RPAIN: variants seen among roughly 807,000 people sequenced by gnomAD.
The protein encoded by RPAIN is RPA interacting protein, also known as RPA-interacting protein.
A neutral mutation model predicts 30.5 loss-of-function variants in RPAIN; 29 were observed. That is an observed-to-expected ratio of 0.95 (90% CI 0.71 to 1.30). The LOEUF (loss-of-function observed/expected upper bound fraction) is 1.30. Among genes scored for constraint, RPAIN ranks in the 50% most tolerant of loss-of-function variants. The pLI is 0.00. For missense variants in RPAIN, 247 were observed against 264.7 expected, an observed-to-expected ratio of 0.93 and a Z score of 0.46; for synonymous variants, 101 against 93.5, an observed-to-expected ratio of 1.08 and a Z score of -0.46.
rs57082873 is a variant in RPAIN at position 5,423,349 on chromosome 17, TAA to T, written c.313+538_313+539del. ...TAACAAGATCCTGTCTCTACAGAAG[TAA>T]AAAAAAAAAAAAAAAAATTATCTGG... On this transcript the variant is annotated intron_variant, in intron 3 of 6. Transcript: ENST00000381209. Among the ~76,000 whole-genome samples, 262 of 127,052 alleles carry T rather than the reference TAA, an allele frequency of 2.1e-3. 1 individual carries two copies. Among genetic ancestry groups the T allele is most frequent in the East Asian group, 2.3e-3 (11 of 4,688 alleles). 83.4% of individuals were successfully genotyped at this position (127,052 alleles called of 152,430 possible). A position where few individuals can be genotyped will look rare whatever the true frequency, so the allele number is the denominator to read the frequency against.
chr17:5,427,967 C>A, intron 5 of RPAIN, 104 bp from the exon 6 acceptor site: 1 of 1,110,074 alleles, frequency 9.0e-7, no homozygotes, highest in Non-Finnish European at 1.4e-6. Context: ...GGAGTCAAGC[C>A]ATCACAGTGA....
At chr17:5,431,484 TAA>T (rs761313492) in intron 6 of RPAIN, 974 of 365,602 alleles carry the variant, frequency 2.7e-3, no homozygotes, top group Middle Eastern at 4.2e-3. Flanking sequence ...GATTGTGCCT[TAA>T]AAAAAAAAAA....
intron 2 of RPAIN, among the ~76,000 whole-genome samples, chr17:5,422,396 C>T (rs1914955050): frequency 6.6e-6 from 1 of 152,140 alleles, no homozygotes; most frequent in Non-Finnish European, 1.5e-5. Flanking sequence ...CTTATATCAC[C>T]ACAACTAGTA....
At chr17:5,420,420 T>G in intron 1 of RPAIN, 129 bp downstream of exon 1, 1 of 716,792 alleles carries the variant, frequency 1.4e-6, no homozygotes, top group Non-Finnish European at 2.3e-6. Flanking sequence ...AACCCAGGCC[T>G]GCTGACTGTA....
chr17:5,429,510 G>A (rs1668797281), intron 6 of RPAIN: 1 of 984,916 alleles, frequency 1.0e-6, no homozygotes, highest in Non-Finnish European at 1.2e-6. Flanking sequence ...TAGAGCTGGT[G>A]TTAGACCCCA....
intron 5 of RPAIN, chr17:5,427,045 A>C (rs1393496550): frequency 6.6e-6 from 1 of 152,238 alleles, no homozygotes; most frequent in African/African-American, 2.4e-5. Context: ...AATTATAAAA[A>C]TAAAATGTTT....
At chr17:5,425,840 C>G in intron 3 of RPAIN, 131 bp from the exon 4 acceptor site, 5 of 620,162 alleles carry the variant, frequency 8.1e-6, no homozygotes, top group Non-Finnish European at 1.4e-5. Context: ...AGCATAAAAA[C>G]CAGTCATTGG....
intron 3 of RPAIN, among the ~76,000 whole-genome samples, chr17:5,424,126 C>T (rs909733307): frequency 2.0e-5 from 3 of 151,286 alleles, no homozygotes; most frequent in Admixed American, 6.6e-5. Context: ...TAGCTGGGAC[C>T]GCAAGTGTGC....
chr17:5,426,258 G>C lies in RPAIN; in HGVS notation c.448G>C (p.Gly150Arg). The C allele has an allele frequency of 6.2e-7, 1 of 1,614,138 alleles. No individual in the cohort carries two copies. Among genetic ancestry groups the C allele is most frequent in the Non-Finnish European group, 8.5e-7 (1 of 1,179,978 alleles). The change falls in exon 5 of 7, where the codon GGT becomes CGT. Residue 150 changes from glycine (G) to arginine (R), a missense_variant. Coordinates refer to ENST00000381209, the MANE Select transcript of RPAIN (RefSeq NM_001033002.4). ...CTKYNLRITS[G>R]VVVCQCGLSI... ...TAGGTACAACCTGAGAATCACAAGCGGTGTGGTGGTGTGTCAGTGTGGCCT... is the reference window on the plus strand; with the variant it reads ...TAGGTACAACCTGAGAATCACAAGCCGTGTGGTGGTGTGTCAGTGTGGCCT...
chr17:5,424,020 C>A (rs1915142581), intron 3 of RPAIN, among the ~76,000 whole-genome samples: 1 of 144,812 alleles, frequency 6.9e-6, no homozygotes, highest in Non-Finnish European at 1.5e-5. Context: ...TAGGTTCTTG[C>A]TCTGTTGCCC....
Position 5,427,734 on chromosome 17 carries a change from T to A in RPAIN, c.490-337T>A, listed in dbSNP as rs1220657675. The A allele has an allele frequency of 2.2e-5, 7 of 315,292 alleles. No homozygotes were observed. In the East Asian group the frequency reaches 4.8e-4, roughly 21 times the overall value. 19.5% of individuals were successfully genotyped at this position (315,292 alleles called of 1,614,324 possible). A position where few individuals can be genotyped will look rare whatever the true frequency, so the allele number is the denominator to read the frequency against. ...TAACCCAAGCAGACCCGGGAGCATATACTGCTAGTTGTTGGTAAGGATGCA... is the reference window on the plus strand; with the variant it reads ...TAACCCAAGCAGACCCGGGAGCATAAACTGCTAGTTGTTGGTAAGGATGCA... On this transcript the variant is annotated intron_variant, in intron 5 of 6. Coordinates refer to ENST00000381209, the MANE Select transcript of RPAIN (RefSeq NM_001033002.4).
At chr17:5,427,741 A>C in intron 5 of RPAIN, 2 of 327,872 alleles carry the variant, frequency 6.1e-6, no homozygotes, top group African/African-American at 2.1e-5. Context: ...ATATACTGCT[A>C]GTTGTTGGTA....
chr17:5,428,559 G>A (rs1915624770), intron 6 of RPAIN: 1 of 1,237,296 alleles, frequency 8.1e-7, no homozygotes, highest in Non-Finnish European at 1.0e-6. Flanking sequence ...TTTTGCGGAA[G>A]GAAACAGGGC....
chr17:5,423,627 C>T (rs1915085654), intron 3 of RPAIN, among the ~76,000 whole-genome samples: 1 of 152,370 alleles, frequency 6.6e-6, no homozygotes, highest in African/African-American at 2.4e-5. Flanking sequence ...TCTCTATTAA[C>T]TCCCCAGGGC....
rs757452040 is a variant in RPAIN, at chr17:5,425,989, A to G, written c.332A>G (p.Glu111Gly). The G allele has an allele frequency of 6.2e-7, 1 of 1,613,560 alleles. No individual in the cohort carries two copies. The highest frequency in any genetic ancestry group is 8.5e-7 in the Non-Finnish European group (1 of 1,179,762). ...LINQEQSIIS[E>G]YEKSLQFDEK... is the part of the protein sequence containing the mutation. Reference sequence around the variant, plus strand: ...CTTGCAGAGCAGTCCATCATCAGCGAGTATGAGAAGAGCTTGCAGTTTGAT... The same window carrying G: ...CTTGCAGAGCAGTCCATCATCAGCGGGTATGAGAAGAGCTTGCAGTTTGAT... Residue 111 changes from glutamate to glycine, a missense_variant, in exon 4 of 7, where the codon GAG (glutamate) becomes GGG (glycine). Coordinates refer to ENST00000381209, the MANE Select transcript of RPAIN (RefSeq NM_001033002.4).
At chr17:5,428,915 G>C in intron 6 of RPAIN, 1 of 981,810 alleles carries the variant, frequency 1.0e-6, no homozygotes, top group Non-Finnish European at 1.2e-6. Flanking sequence ...CTTTCTACTG[G>C]GAATTTAGAA....
intron 2 of RPAIN, 107 bp downstream of exon 2, chr17:5,421,573 A>C (rs4790770): frequency 0.31 from 292,382 of 948,114 alleles, 53,583 homozygotes; most frequent in East Asian, 0.8. Flanking sequence ...CATTCCCCTA[A>C]CCCCATTTAG....
chr17:5,430,555 A>C (rs1196104913), intron 6 of RPAIN: 1 of 152,190 alleles, frequency 6.6e-6, no homozygotes, highest in East Asian at 1.9e-4. Context: ...AATAAACCTA[A>C]TGAGGGCTGG....
At chr17:5,422,220 C>T (rs1423428326) in intron 2 of RPAIN, among the ~76,000 whole-genome samples, 1 of 152,132 alleles carries the variant, frequency 6.6e-6, no homozygotes, top group Admixed American at 6.5e-5. Context: ...CAGTTTGCCT[C>T]TTTGAGGTTT....
Sources: gnomAD v4.1 joint callset for allele counts (sites outside exome capture counted in the v4.1 genomes callset) on GRCh38, gnomAD v4.1.1 for gene constraint, MANE v1.5 for transcripts, NCBI Gene and HGNC (gene_info 2026-07-23, HGNC 2026-07-21) for gene names.